MDK: variants seen among roughly 807,000 people sequenced by gnomAD.
The protein encoded by MDK is amphiregulin-associated protein.
Under a neutral mutation model 18.9 loss-of-function variants are expected in MDK, and 17 were observed. That is an observed-to-expected ratio of 0.90 (90% CI 0.62 to 1.35). MDK has a LOEUF of 1.35. Among genes scored for constraint, MDK ranks in the 40% most tolerant of loss-of-function variants. The probability of loss-of-function intolerance (pLI) is 0.00; values close to 1 mark genes in which losing one functional copy is unlikely to be tolerated. For missense variants in MDK, 180 were observed against 186.3 expected, an observed-to-expected ratio of 0.97 and a Z score of 0.20; for synonymous variants, 86 against 74.3, an observed-to-expected ratio of 1.16 and a Z score of -0.81.
In MDK at chr11:46,382,649, C is replaced by T. The variant is rs752891556; in HGVS notation, c.307C>T (p.Arg103Cys). 6 of 1,613,028 alleles carry T rather than the reference C, an allele frequency of 3.7e-6. No individual in the cohort carries two copies. Among genetic ancestry groups the T allele is most frequent in the South Asian group, 1.1e-5 (1 of 91,040 alleles). ...ACDGGTGTKVRQGTLKKARYN... is the reference protein window; with the variant it reads ...ACDGGTGTKVCQGTLKKARYN... The stretch of plus-strand genomic sequence containing the variant: ...TGATGGGGGCACAGGCACCAAAGTC[C>T]GCCAAGGCACCCTGAAGAAGGCGCG... Residue 103 changes from arginine (R) to cysteine (C), a missense_variant, in exon 4 of 5, where the codon CGC (arginine) becomes TGC (cysteine). Arg to Cys is a radical substitution (Grantham distance 180, BLOSUM62 -3). Coordinates refer to ENST00000395566, the MANE Select transcript of MDK (RefSeq NM_002391.6).
chr11:46,382,447 A>G lies in MDK; in HGVS notation c.230A>G (p.Lys77Arg). ...RIRCRVPCNW[K>R]KEFGADCKYK... Reference sequence around the variant, plus strand: ...CGGTGCAGGGTGCCCTGCAACTGGAAGAAGGAGTTTGGAGGTGAGGCGGGG... The same window carrying G: ...CGGTGCAGGGTGCCCTGCAACTGGAGGAAGGAGTTTGGAGGTGAGGCGGGG... The change falls in exon 3 of 5, where the codon AAG becomes AGG. Residue 77 changes from lysine (K) to arginine (R), a missense_variant. Transcript: ENST00000395566. 6.6e-7 allele frequency: 1 copy of G among 1,525,072 alleles called. No individual in the cohort carries two copies. Among genetic ancestry groups the G allele is most frequent in the African/African-American group, 1.4e-5 (1 of 72,620 alleles). The allele number at this position is 1,525,072 out of a possible 1,614,324, so 94.5% of individuals were successfully genotyped here.
Position 46,383,548 on chromosome 11 carries a change from G to A in MDK, c.*54G>A, listed in dbSNP as rs749248968. 45 of 1,554,874 alleles carry A rather than the reference G, an allele frequency of 2.9e-5. No homozygotes were observed. Among genetic ancestry groups the A allele is most frequent in the Admixed American group, 1.2e-4 (7 of 59,918 alleles). Reference sequence around the variant, plus strand: ...TGGTGTCACATGGGGCCTGGCCCACGCCCTCCCTCTCCCAGGCCCGAGATG... The same window carrying A: ...TGGTGTCACATGGGGCCTGGCCCACACCCTCCCTCTCCCAGGCCCGAGATG... On this transcript the variant is annotated 3_prime_UTR_variant, in exon 5 of 5. Coordinates refer to ENST00000395566, the MANE Select transcript of MDK (RefSeq NM_002391.6).
At chr11:46,382,210 T>A in intron 2 of MDK, 77 bp downstream of exon 2, 2 of 1,605,384 alleles carry the variant, frequency 1.2e-6, no homozygotes, top group South Asian at 2.2e-5. Flanking sequence ...CCGCCTGGGT[T>A]CCTAGCCTGG....
rs1448200594 is a variant in MDK at position 46,382,646 on chromosome 11, G to A, written c.304G>A (p.Val102Ile). The A allele has an allele frequency of 2.0e-5, 32 of 1,612,914 alleles. No individual in the cohort carries two copies. Among genetic ancestry groups the A allele is most frequent in the Non-Finnish European group, 2.6e-5 (31 of 1,179,874 alleles). The change falls in exon 4 of 5, where the codon GTC becomes ATC. Residue 102 changes from valine (V) to isoleucine (I), a missense_variant. By Grantham distance (29) the Val-to-Ile change is conservative. Coordinates refer to ENST00000395566, the MANE Select transcript of MDK (RefSeq NM_002391.6). ...GTGTGATGGGGGCACAGGCACCAAA[G>A]TCCGCCAAGGCACCCTGAAGAAGGC... The part of the protein sequence containing the change: ...GACDGGTGTK[V>I]RQGTLKKARY...
intron 1 of MDK, 89 bp from the exon 2 acceptor site, chr11:46,381,968 T>G (rs976052102): frequency 3.0e-5 from 41 of 1,384,576 alleles, no homozygotes; most frequent in Non-Finnish European, 4.1e-5. Flanking sequence ...GCCTGGAAAG[T>G]GGAGCACGCG....
chr11:46,383,338 C>A, intron 4 of MDK, 131 bp from the exon 5 acceptor site: 1 of 658,242 alleles, frequency 1.5e-6, no homozygotes, highest in Non-Finnish European at 2.7e-6. Flanking sequence ...GCTTCCGAGT[C>A]AGCTGATTGG....
In MDK at chr11:46,382,722, C is replaced by T. The variant is rs768560177; in HGVS notation, c.380C>T (p.Thr127Ile). Reference sequence around the variant, plus strand: ...ACCATCCGCGTCACCAAGCCCTGCACCCCCAAGACCAAAGCAAAGGCCAAA... The same window carrying T: ...ACCATCCGCGTCACCAAGCCCTGCATCCCCAAGACCAAAGCAAAGGCCAAA... ...QETIRVTKPC[T>I]PKTKAKAKAK... Residue 127 changes from threonine (T) to isoleucine (I), a missense_variant, in exon 4 of 5, where the codon ACC becomes ATC. Physicochemically the swap from Thr to Ile is moderately conservative, Grantham distance 89. Coordinates refer to ENST00000395566, the MANE Select transcript of MDK (RefSeq NM_002391.6). 1.2e-6 allele frequency: 2 copies of T among 1,612,656 alleles called. No homozygotes were observed. Among genetic ancestry groups the T allele is most frequent in the South Asian group, 1.1e-5 (1 of 90,958 alleles).
At chr11:46,381,153 C>T (rs1945152305), upstream of MDK, 1 of 152,482 alleles carries the variant, frequency 6.6e-6, no homozygotes, top group African/African-American at 2.4e-5. Flanking sequence ...CAGCAGAGCG[C>T]TTCCCTGCCC....
At chr11:46,382,864 C>G in intron 4 of MDK, 116 bp downstream of exon 4, 1 of 1,178,962 alleles carries the variant, frequency 8.5e-7, no homozygotes, top group Non-Finnish European at 1.2e-6. Context: ...CCAGTGGCTT[C>G]CTGACATCGC....
chr11:46,381,901 C>A, intron 1 of MDK, 143 bp downstream of exon 1: 1 of 735,914 alleles, frequency 1.4e-6, no homozygotes, highest in Non-Finnish European at 2.2e-6. Flanking sequence ...TCCGGGCTAG[C>A]GGCGAGGGGC....
Position 46,382,077 on chromosome 11 carries a change from T to A in MDK, c.20T>A (p.Leu7His). 1.9e-6 allele frequency: 3 copies of A among 1,609,608 alleles called. No homozygotes were observed. Among genetic ancestry groups the A allele is most frequent in the Non-Finnish European group, 2.5e-6 (3 of 1,178,656 alleles). Reference sequence around the variant, plus strand: ...CTCAGGATGCAGCACCGAGGCTTCCTCCTCCTCACCCTCCTCGCCCTGCTG... The same window carrying A: ...CTCAGGATGCAGCACCGAGGCTTCCACCTCCTCACCCTCCTCGCCCTGCTG... Reference protein sequence around the residue: MQHRGFLLLTLLALLAL... With the variant: MQHRGFHLLTLLALLAL... The change falls in exon 2 of 5, where the codon CTC becomes CAC. Residue 7 changes from leucine (L) to histidine (H), a missense_variant. Physicochemically the swap from Leu to His is moderately conservative, Grantham distance 99 (BLOSUM62 -3). Coordinates refer to ENST00000395566, the MANE Select transcript of MDK (RefSeq NM_002391.6).
rs1438584925 is a variant in MDK at position 46,382,044 on chromosome 11, G to T, written c.-1-13G>T. 1 of 1,599,312 alleles carries T rather than the reference G, an allele frequency of 6.3e-7. No homozygotes were observed. The highest frequency in any genetic ancestry group is 1.7e-5 in the Admixed American group (1 of 58,362). ...GGACGGGCCAGGGATTCAGACTCGG[G>T]CTCTCCCCTCAGGATGCAGCACCGA... On this transcript the variant is annotated splice_polypyrimidine_tract_variant and intron_variant, in intron 1 of 4. Transcript: ENST00000395566.
At chr11:46,382,250 C>A in intron 2 of MDK, 44 bp from the exon 3 acceptor site, 1 of 1,603,404 alleles carries the variant, frequency 6.2e-7, no homozygotes. Flanking sequence ...CCGAGGGAGT[C>A]TCCCCGTGCC....
chr11:46,382,201 C>T (rs1314879661), intron 2 of MDK, 68 bp downstream of exon 2: 3 of 1,605,144 alleles, frequency 1.9e-6, no homozygotes, highest in Non-Finnish European at 1.7e-6. Flanking sequence ...TGGGCTGGGC[C>T]GCCTGGGTTC....
chr11:46,381,909 G>A, intron 1 of MDK, 148 bp from the exon 2 acceptor site: 1 of 794,178 alleles, frequency 1.3e-6, no homozygotes, highest in Admixed American at 2.7e-5. Flanking sequence ...AGCGGCGAGG[G>A]GCCGCCCCAA....
upstream of MDK, chr11:46,381,117 G>C (rs1212301788): frequency 6.6e-6 from 1 of 152,308 alleles, no homozygotes; most frequent in Non-Finnish European, 1.5e-5. Context: ...TTCTCTGGGC[G>C]ACCGGGTCCC....
upstream of MDK, chr11:46,381,478 G>A (rs899698571): frequency 1.3e-5 from 2 of 151,662 alleles, no homozygotes. Context: ...GCAGCGCAGA[G>A]GGCACCGGCG....
At chr11:46,383,819 T>A, downstream of MDK, 1 of 420,612 alleles carries the variant, frequency 2.4e-6, no homozygotes, top group East Asian at 5.2e-5. Context: ...TCTTCTTTTT[T>A]AATATATAAA....
At chr11:46,382,790 G>GGGGGGGGGGGGC in intron 4 of MDK, 42 bp downstream of exon 4, 124 of 986,934 alleles carry the variant, frequency 1.3e-4, no homozygotes, top group East Asian at 5.7e-4. Context: ...GCGGGGGGCT[G>GGGGGGGGGGGGC]CCCCCCCCCC....
Sources: gnomAD v4.1 joint callset for allele counts on GRCh38, gnomAD v4.1.1 for gene constraint, MANE v1.5 for transcripts, NCBI Gene and HGNC (gene_info 2026-07-23, HGNC 2026-07-21) for gene names.